CCDC187: variants seen among roughly 807,000 people sequenced by gnomAD.
CCDC187 encodes the protein coiled-coil domain-containing protein 187.
In CCDC187, 32 loss-of-function variants were observed where a neutral mutation model predicts 38.0. The observed-to-expected ratio is 0.84, with a 90% confidence interval of 0.64 to 1.13. CCDC187 has a LOEUF of 1.13. Ranked by LOEUF, CCDC187 falls within the 50% of genes most tolerant of loss-of-function variation. The probability of loss-of-function intolerance (pLI) is 0.00; values close to 1 mark genes in which losing one functional copy is unlikely to be tolerated. For missense variants in CCDC187, 707 were observed against 786.8 expected, an observed-to-expected ratio of 0.90 and a Z score of 1.21; for synonymous variants, 333 against 347.9, an observed-to-expected ratio of 0.96 and a Z score of 0.48.
intron 2 of CCDC187, among the ~76,000 whole-genome samples, chr9:136,300,520 T>C (rs1340529687): frequency 6.6e-6 from 1 of 151,924 alleles, no homozygotes; most frequent in East Asian, 1.9e-4. Flanking sequence ...TTCAAGCGAG[T>C]CTCCTGCCTC....
intron 14 of CCDC187, among the ~76,000 whole-genome samples, chr9:136,273,054 G>A (rs72775730): frequency 0.017 from 2,566 of 152,244 alleles, 33 homozygotes; most frequent in Non-Finnish European, 0.027. Flanking sequence ...AGATAAAATG[G>A]AATCATTAAA....
At chr9:136,267,984 C>T in intron 15 of CCDC187, 65 bp downstream of exon 15, 2 of 985,264 alleles carry the variant, frequency 2.0e-6, no homozygotes, top group East Asian at 1.1e-4. Flanking sequence ...GGGTCCGGGG[C>T]CCACTACCAG....
rs571273564 is a variant in CCDC187 at position 136,264,993 on chromosome 9, C to T, written c.3735+963G>A. Among the ~76,000 whole-genome samples the T allele has an allele frequency of 6.6e-6, 1 of 152,312 alleles. No individual in the cohort carries two copies. The highest frequency in any genetic ancestry group is 6.5e-5 in the Admixed American group (1 of 15,306). The stretch of plus-strand genomic sequence containing the variant: ...TCTCACATTCCTGGGCTCAAGCGAT[C>T]CTCCCACCTTGGCCTCCCAAAGTGC... On this transcript the variant is annotated intron_variant, in intron 17 of 25. Transcript: ENST00000638797. This position sits in a 1 kb window ranked among gnomAD's most constrained non-coding sequence, Gnocchi z 4.3.
At chr9:136,291,917 G>T (rs1412271496) in intron 5 of CCDC187, among the ~76,000 whole-genome samples, 1 of 152,238 alleles carries the variant, frequency 6.6e-6, no homozygotes, top group Non-Finnish European at 1.5e-5. Context: ...CAGCATGCCT[G>T]CCCCGGGAAC....
intron 17 of CCDC187, among the ~76,000 whole-genome samples, chr9:136,265,278 T>C (rs1830730913): frequency 6.6e-6 from 1 of 152,096 alleles, no homozygotes; most frequent in African/African-American, 2.4e-5. Context: ...CCCCTCCACA[T>C]GTGCCCCCAG....
At chr9:136,270,871 A>G (rs1307656891) in intron 14 of CCDC187, among the ~76,000 whole-genome samples, 1 of 152,240 alleles carries the variant, frequency 6.6e-6, no homozygotes, top group Non-Finnish European at 1.5e-5. Context: ...ACCTGATGCT[A>G]TACCCACCGG....
At chr9:136,278,658 T>C (rs1169220915) in intron 10 of CCDC187, among the ~76,000 whole-genome samples, 1 of 152,248 alleles carries the variant, frequency 6.6e-6, no homozygotes, top group Non-Finnish European at 1.5e-5. Context: ...GTCATGTGGC[T>C]TGGGTCCTGG....
intron 7 of CCDC187, among the ~76,000 whole-genome samples, chr9:136,289,435 C>A (rs1272901307): frequency 1.4e-5 from 2 of 147,314 alleles, no homozygotes; most frequent in Non-Finnish European, 3.0e-5. Context: ...AGGAGAATCA[C>A]TTGAACCTGG....
intron 21 of CCDC187, among the ~76,000 whole-genome samples, 157 bp downstream of exon 21, chr9:136,259,206 G>T (rs1830651052): frequency 6.6e-6 from 1 of 151,518 alleles, no homozygotes; most frequent in Non-Finnish European, 1.5e-5. Flanking sequence ...GGAACCAAGG[G>T]GCCCCAACCA....
intron 9 of CCDC187, 141 bp from the exon 10 acceptor site, chr9:136,281,804 C>A: frequency 7.5e-6 from 3 of 397,424 alleles, no homozygotes; most frequent in Non-Finnish European, 8.9e-6. Context: ...CAACAGTGTG[C>A]CCAGGGTGGG....
At chr9:136,262,266 G>T in intron 19 of CCDC187, 45 bp downstream of exon 19, 1 of 985,880 alleles carries the variant, frequency 1.0e-6, no homozygotes, top group Non-Finnish European at 1.2e-6. Context: ...GGGAACATCA[G>T]GGTCCAGACC....
At chr9:136,266,121 C>T in intron 16 of CCDC187, 78 bp from the exon 17 acceptor site, 1 of 843,048 alleles carries the variant, frequency 1.2e-6, no homozygotes, top group Non-Finnish European at 1.4e-6. Flanking sequence ...ACACAGCCAG[C>T]CCTGGTCGGC....
chr9:136,292,248 C>T lies in CCDC187; in HGVS notation c.880G>A (p.Val294Met). ...VYAWRKGQAL[V>M]RSLLGPPPVL... is the part of the protein sequence containing the mutation. ...GGAGGGGGCCCAAGCAGCGACCTCACCAGAGCTTGTCCCTTTCTCCAGGCG... is the reference window on the plus strand; with the variant it reads ...GGAGGGGGCCCAAGCAGCGACCTCATCAGAGCTTGTCCCTTTCTCCAGGCG... Residue 294 changes from valine to methionine, a missense_variant, in exon 5 of 26, where the codon GTG becomes ATG. Transcript: ENST00000638797. The T allele has an allele frequency of 2.5e-6, 1 of 398,786 alleles. No homozygotes were observed. 24.7% of individuals were successfully genotyped at this position (398,786 alleles called of 1,614,324 possible). A position where few individuals can be genotyped will look rare whatever the true frequency, so the allele number is the denominator to read the frequency against.
chr9:136,289,666 A>C (rs1202840854), intron 7 of CCDC187, among the ~76,000 whole-genome samples: 1 of 152,136 alleles, frequency 6.6e-6, no homozygotes, highest in Non-Finnish European at 1.5e-5. Context: ...ACTCAGTAGA[A>C]GTGGTGGTTG....
intron 25 of CCDC187, 22 bp downstream of exon 25, chr9:136,255,635 G>A (rs1830602438): frequency 1.0e-6 from 1 of 977,248 alleles, no homozygotes; most frequent in Non-Finnish European, 1.2e-6. Flanking sequence ...GCTGAAGGAG[G>A]GGCTGGGGGC....
Position 136,250,579 on chromosome 9 carries a change from A to G in CCDC187, c.*3015T>C. 2.8e-6 allele frequency: 1 copy of G among 356,378 alleles called. No individual in the cohort carries two copies. The highest frequency in any genetic ancestry group is 5.6e-6 in the Non-Finnish European group (1 of 178,426). The allele number at this position is 356,378 out of a possible 1,614,324, so 22.1% of individuals were successfully genotyped here. The stretch of plus-strand genomic sequence containing the variant: ...TAAAAAATCACAGACTAATTTGTTC[A>G]GAAGACTAGAAGGGGATCAATGAGA... On this transcript the variant is annotated 3_prime_UTR_variant, in exon 26 of 26. Coordinates refer to ENST00000638797, the MANE Select transcript of CCDC187 (RefSeq NM_001378188.1).
In CCDC187 at chr9:136,293,234, CGCTCACACTCACAT is replaced by C. The variant is rs1377403818; in HGVS notation, c.833-953_833-940del. Among the ~76,000 whole-genome samples, 114 of 143,736 alleles carry C rather than the reference CGCTCACACTCACAT, an allele frequency of 7.9e-4. 2 individuals are homozygous for C. Among genetic ancestry groups the C allele is most frequent in the African/African-American group, 2.2e-3 (79 of 36,394 alleles). 94.3% of individuals were successfully genotyped at this position (143,736 alleles called of 152,430 possible). On this transcript the variant is annotated intron_variant, in intron 4 of 25. Transcript: ENST00000638797. ...ACATGCTCACACACTCACACTCACA[CGCTCACACTCACAT>C]GCTTACACACTCACTCATGCTTTCA...
At chr9:136,275,444 A>G in intron 12 of CCDC187, among the ~76,000 whole-genome samples, 1 of 132,062 alleles carries the variant, frequency 7.6e-6, no homozygotes, top group East Asian at 2.1e-4. Context: ...GTGTACTCCC[A>G]CACACACACA....
intron 7 of CCDC187, 71 bp downstream of exon 7, chr9:136,289,888 C>T (rs1831273126): frequency 1.0e-5 from 4 of 387,458 alleles, no homozygotes; most frequent in Middle Eastern, 6.3e-4. Flanking sequence ...CCCCAGAACG[C>T]ACCCAGAACT....
Sources: gnomAD v4.1 joint callset for allele counts (sites outside exome capture counted in the v4.1 genomes callset) on GRCh38, gnomAD v4.1.1 for gene constraint, Gnocchi (gnomAD v3.1) non-coding constraint, MANE v1.5 for transcripts, NCBI Gene and HGNC (gene_info 2026-07-23, HGNC 2026-07-21) for gene names.